Variants in MAF observed in about 807,000 individuals in gnomAD.
MAF encodes the protein MAF bZIP transcription factor.
Under a neutral mutation model 22.0 loss-of-function variants are expected in MAF, and 10 were observed. The ratio of observed to expected loss-of-function variants is 0.45; its 90% CI spans 0.28 to 0.77. The LOEUF is 0.77. MAF is among the 30% of genes least tolerant of loss of function. The pLI is 0.12. For synonymous variants in MAF, 337 were observed against 255.8 expected, an observed-to-expected ratio of 1.32 and a Z score of -3.03; for missense variants, 544 against 548.4, an observed-to-expected ratio of 0.99 and a Z score of 0.08.
At chr16:79,550,869 C>T in the MAF span, among the ~76,000 whole-genome samples, 4 of 152,276 alleles carry the variant, frequency 2.6e-5, no homozygotes, top group African/African-American at 9.6e-5. Flanking sequence ...GAGATTGGCA[C>T]AGATGGCTCA....
chr16:79,578,816 T>C, the MAF span, among the ~76,000 whole-genome samples: 4 of 152,096 alleles, frequency 2.6e-5, no homozygotes, highest in African/African-American at 9.7e-5. Context: ...AGCAGCAAAA[T>C]GGGAAAATAC....
At chr16:79,435,730 C>T in the MAF span, among the ~76,000 whole-genome samples, 2 of 152,188 alleles carry the variant, frequency 1.3e-5, no homozygotes, top group African/African-American at 4.8e-5. Context: ...AAGCCAGTCT[C>T]CCCCAGTTCA....
the MAF span, among the ~76,000 whole-genome samples, chr16:79,410,258 C>A: frequency 2.0e-5 from 3 of 152,204 alleles, no homozygotes. Flanking sequence ...GCGCTGGAAT[C>A]TCTGTGAATC....
the MAF span, among the ~76,000 whole-genome samples, chr16:79,280,609 A>T: frequency 6.6e-6 from 1 of 152,194 alleles, no homozygotes; most frequent in East Asian, 1.9e-4. Flanking sequence ...AAGAACTGGA[A>T]GGCTTAAAAT....
the MAF span, among the ~76,000 whole-genome samples, chr16:79,539,502 T>TCAAAA: frequency 1.3e-5 from 2 of 152,084 alleles, no homozygotes; most frequent in East Asian, 3.9e-4. Flanking sequence ...AGACTCCACC[T>TCAAAA]CAAAACAAAA....
chr16:79,203,980 A>G, the MAF span: 1 of 152,196 alleles, frequency 6.6e-6, no homozygotes, highest in African/African-American at 2.4e-5. Context: ...GCAGTCCTTT[A>G]GCACGGGCAT....
chr16:79,282,648 C>G, the MAF span, among the ~76,000 whole-genome samples: 1 of 152,158 alleles, frequency 6.6e-6, no homozygotes, highest in South Asian at 2.1e-4. Flanking sequence ...TAGGAAGGTG[C>G]AAATTCTCAA....
At chr16:79,287,259 G>C in the MAF span, among the ~76,000 whole-genome samples, 4 of 152,114 alleles carry the variant, frequency 2.6e-5, no homozygotes, top group East Asian at 7.7e-4. Context: ...ATGCAGGATT[G>C]CGGCAGGCTG....
At chr16:79,499,654 A>G in the MAF span, among the ~76,000 whole-genome samples, 1 of 152,190 alleles carries the variant, frequency 6.6e-6, no homozygotes, top group East Asian at 1.9e-4. Flanking sequence ...ACACAGGTAG[A>G]AGGCACCATC....
At chr16:79,569,185 G>A in the MAF span, among the ~76,000 whole-genome samples, 1 of 152,170 alleles carries the variant, frequency 6.6e-6, no homozygotes, top group Admixed American at 6.5e-5. Context: ...TGACATCGAG[G>A]GTCGGATAAC....
chr16:79,404,747 A>T, the MAF span, among the ~76,000 whole-genome samples: 4 of 152,182 alleles, frequency 2.6e-5, no homozygotes, highest in Admixed American at 2.0e-4. Context: ...AAACCCAAAA[A>T]GGGAAATCTC....
chr16:79,219,694 C>G, the MAF span, among the ~76,000 whole-genome samples: 1 of 152,052 alleles, frequency 6.6e-6, no homozygotes, highest in Non-Finnish European at 1.5e-5. Flanking sequence ...GTCTCCACTC[C>G]AAGGCCATTT....
At chr16:79,289,854 A>ATTTTTT in the MAF span, among the ~76,000 whole-genome samples, 134 of 55,638 alleles carry the variant, frequency 2.4e-3, 5 homozygotes, top group Admixed American at 5.5e-3. Context: ...TTGTTTGTGT[A>ATTTTTT]TTTTTTTTTT....
the MAF span, among the ~76,000 whole-genome samples, chr16:79,218,392 T>G: frequency 1.3e-5 from 2 of 152,232 alleles, no homozygotes; most frequent in Non-Finnish European, 2.9e-5. Flanking sequence ...AATGGTTCAA[T>G]TAGCATCTTT....
the MAF span, among the ~76,000 whole-genome samples, chr16:79,411,005 C>G: frequency 6.6e-6 from 1 of 152,124 alleles, no homozygotes; most frequent in Non-Finnish European, 1.5e-5. Context: ...CCTTAAATGC[C>G]CTCACTAGTT....
chr16:79,452,212 G>C, the MAF span, among the ~76,000 whole-genome samples: 1 of 152,124 alleles, frequency 6.6e-6, no homozygotes, highest in Non-Finnish European at 1.5e-5. Flanking sequence ...TGACAGAGTA[G>C]ATAATTTTAT....
downstream of MAF, among the ~76,000 whole-genome samples, chr16:79,589,423 C>T (rs1913053604): frequency 6.6e-6 from 1 of 152,232 alleles, no homozygotes; most frequent in East Asian, 1.9e-4. Flanking sequence ...TTTAAACATG[C>T]TATCTGGATT....
At chr16:79,380,888 C>A in the MAF span, among the ~76,000 whole-genome samples, 1 of 152,212 alleles carries the variant, frequency 6.6e-6, no homozygotes, top group Non-Finnish European at 1.5e-5. Flanking sequence ...AAGTTGTCTG[C>A]CAAATCTGGG....
the MAF span, among the ~76,000 whole-genome samples, chr16:79,504,217 A>G: frequency 2.0e-4 from 30 of 152,200 alleles, no homozygotes; most frequent in African/African-American, 7.0e-4. Flanking sequence ...CCATTTTTAG[A>G]AAGAAGGAGA....
Sources: gnomAD v4.1 joint callset for allele counts (sites outside exome capture counted in the v4.1 genomes callset) on GRCh38, gnomAD v4.1.1 for gene constraint, MANE v1.5 for transcripts, NCBI Gene and HGNC (gene_info 2026-07-23, HGNC 2026-07-21) for gene names.